OR5H14: variants seen among roughly 807,000 people sequenced by gnomAD.
OR5H14 encodes the protein olfactory receptor family 5 subfamily H member 14, also known as olfactory receptor 5H14.
For synonymous variants in OR5H14, 155 were observed against 130.6 expected (o/e 1.19, Z -1.28); for missense variants, 392 against 363.9 (o/e 1.08, Z -0.63).
chr3:98,150,186 T>C lies in OR5H14; in HGVS notation c.801T>C (p.Ala267=), dbSNP rs372574351. 172 of 1,612,994 alleles carry C rather than the reference T, an allele frequency of 1.1e-4. No individual in the cohort carries two copies. In the African/African-American group the frequency reaches 1.2e-3, roughly 12 times the overall value. ...ATATGGGCTCTGCATCCCCACAGGC[T>C]GATGACCAAGATATGATGGAGTCTC... ...FMYMGSASPQ[A]DDQDMMESLF... is the part of the protein sequence containing the mutation. Residue 267 remains alanine (A), a synonymous_variant, in exon 2 of 2, where the codon GCT becomes GCC. Coordinates refer to ENST00000641380, the MANE Select transcript of OR5H14 (RefSeq NM_001005514.2).
At position 98,152,770 on chromosome 3, in the gene OR5H14, A is replaced by G. The variant is rs1479279908; in HGVS notation, c.*2452A>G. 3 of 152,186 alleles carry G rather than the reference A, an allele frequency of 2.0e-5. No individual in the cohort carries two copies. Among genetic ancestry groups the G allele is most frequent in the African/African-American group, 7.2e-5 (3 of 41,434 alleles). 9.4% of individuals were successfully genotyped at this position (152,186 alleles called of 1,614,324 possible). A position where few individuals can be genotyped will look rare whatever the true frequency, so the allele number is the denominator to read the frequency against. On this transcript the variant is annotated 3_prime_UTR_variant, in exon 2 of 2. Transcript: ENST00000641380. ...GCCATGGCACATGTGTACCTATGTA[A>G]CAACCTGCACATGTATCCCAGAACT...
rs1708587693 is a variant in OR5H14, at chr3:98,156,184, T to C, written c.*5866T>C. 6.6e-6 allele frequency: 1 copy of C among 152,198 alleles called. No homozygotes were observed. Among genetic ancestry groups the C allele is most frequent in the South Asian group, 2.1e-4 (1 of 4,834 alleles). 9.4% of individuals were successfully genotyped at this position (152,198 alleles called of 1,614,324 possible). ...GTACACAAAGAATTGCTGCCTGTGT[T>C]ATTATCAGATATGCTCTATTATGTA... is the stretch of plus-strand genomic sequence containing the variant. On this transcript the variant is annotated 3_prime_UTR_variant, in exon 2 of 2. Transcript: ENST00000641380.
In OR5H14 at chr3:98,150,423, G is replaced by A; in HGVS notation, c.*105G>A. On this transcript the variant is annotated 3_prime_UTR_variant, in exon 2 of 2. Transcript: ENST00000641380. ...ATTAAAAGATTTTGCAATTATAACT[G>A]TCCTAGCGCTTTAATGACCTATGAT... 1 of 664,662 alleles carries A rather than the reference G, an allele frequency of 1.5e-6. No homozygotes were observed. The highest frequency in any genetic ancestry group is 2.4e-6 in the Non-Finnish European group (1 of 410,070). 41.2% of individuals were successfully genotyped at this position (664,662 alleles called of 1,614,324 possible).
chr3:98,151,652 A>G lies in OR5H14; in HGVS notation c.*1334A>G, dbSNP rs914742680. 8.5e-5 allele frequency: 13 copies of G among 152,140 alleles called. No individual in the cohort carries two copies. Among genetic ancestry groups the G allele is most frequent in the African/African-American group, 3.1e-4 (13 of 41,442 alleles). 9.4% of individuals were successfully genotyped at this position (152,140 alleles called of 1,614,324 possible). Reference sequence around the variant, plus strand: ...ACATGTGTTTTAGGTGTCAATATCTATGTATACATACACTTATGTATACAT... The same window carrying G: ...ACATGTGTTTTAGGTGTCAATATCTGTGTATACATACACTTATGTATACAT... On this transcript the variant is annotated 3_prime_UTR_variant, in exon 2 of 2. Coordinates refer to ENST00000641380, the MANE Select transcript of OR5H14 (RefSeq NM_001005514.2).
In OR5H14 at chr3:98,149,779, T is replaced by C; in HGVS notation, c.394T>C (p.Tyr132His). ...TGTAGCCATATGCAAACCCTTACTTTATCCAGCCATTATGACCAATGGACT... is the reference window on the plus strand; with the variant it reads ...TGTAGCCATATGCAAACCCTTACTTCATCCAGCCATTATGACCAATGGACT... ...RYVAICKPLLYPAIMTNGLCI... is the reference protein window; with the variant it reads ...RYVAICKPLLHPAIMTNGLCI... Residue 132 changes from tyrosine to histidine, a missense_variant, in exon 2 of 2, where the codon TAT becomes CAT. By Grantham distance (83) the Tyr-to-His change is moderately conservative. Transcript: ENST00000641380. 5 of 1,612,718 alleles carry C rather than the reference T, an allele frequency of 3.1e-6. No individual in the cohort carries two copies. The highest frequency in any genetic ancestry group is 4.2e-6 in the Non-Finnish European group (5 of 1,179,648).
rs747138255 is a variant in OR5H14 at position 98,149,963 on chromosome 3, C to A, written c.578C>A (p.Ser193Tyr). The change falls in exon 2 of 2, where the codon TCT becomes TAT. Residue 193 changes from serine to tyrosine, a missense_variant. Physicochemically the swap from Ser to Tyr is moderately radical, Grantham distance 144. Transcript: ENST00000641380. ...TTAAAGATTTCTTATACTGATTCCT[C>A]TATTAACTTTCTAATGGTTTTTATT... ...PLLKISYTDS[S>Y]INFLMVFIFA... 1 of 1,613,066 alleles carries A rather than the reference C, an allele frequency of 6.2e-7. No individual in the cohort carries two copies. Among genetic ancestry groups the A allele is most frequent in the Admixed American group, 1.7e-5 (1 of 59,882 alleles).
Position 98,153,200 on chromosome 3 carries a change from C to A in OR5H14, c.*2882C>A, listed in dbSNP as rs1157244863. On this transcript the variant is annotated 3_prime_UTR_variant, in exon 2 of 2. Coordinates refer to ENST00000641380, the MANE Select transcript of OR5H14 (RefSeq NM_001005514.2). ...CATACCAGCAAGATTACAATGATGA[C>A]CCCTTGAGGAAAATACCAAGGAACT... is the stretch of plus-strand genomic sequence containing the variant. The A allele has an allele frequency of 6.6e-6, 1 of 152,148 alleles. No individual in the cohort carries two copies. The highest frequency in any genetic ancestry group is 1.5e-5 in the Non-Finnish European group (1 of 68,016). 9.4% of individuals were successfully genotyped at this position (152,148 alleles called of 1,614,324 possible).
rs1290165383 is a variant in OR5H14, at chr3:98,152,268, A to G, written c.*1950A>G. On this transcript the variant is annotated 3_prime_UTR_variant, in exon 2 of 2. Transcript: ENST00000641380. ...ATTCCTTATGAATCCGGAGCCAGAA[A>G]TACTATTTGACTCAGCAATCCCATT... 6.6e-6 allele frequency: 1 copy of G among 152,152 alleles called. No individual in the cohort carries two copies. The highest frequency in any genetic ancestry group is 2.4e-5 in the African/African-American group (1 of 41,424). 9.4% of individuals were successfully genotyped at this position (152,152 alleles called of 1,614,324 possible).
At position 98,155,726 on chromosome 3, in the gene OR5H14, T is replaced by G. The variant is rs1191060722; in HGVS notation, c.*5408T>G. The G allele has an allele frequency of 6.6e-6, 1 of 152,174 alleles. No homozygotes were observed. The highest frequency in any genetic ancestry group is 2.4e-5 in the African/African-American group (1 of 41,448). The allele number at this position is 152,174 out of a possible 1,614,324, so 9.4% of individuals were successfully genotyped here. Reference sequence around the variant, plus strand: ...AGGGAATCTAGATCTTTGGCCTTATTAAAATCATATTTTGACCAGCTCTGA... The same window carrying G: ...AGGGAATCTAGATCTTTGGCCTTATGAAAATCATATTTTGACCAGCTCTGA... On this transcript the variant is annotated 3_prime_UTR_variant, in exon 2 of 2. Coordinates refer to ENST00000641380, the MANE Select transcript of OR5H14 (RefSeq NM_001005514.2).
At chr3:98,148,910 A>C (rs1708457799) in intron 1 of OR5H14, among the ~76,000 whole-genome samples, 2 of 152,012 alleles carry the variant, frequency 1.3e-5, no homozygotes, top group African/African-American at 4.8e-5. Context: ...CAATTTCCCC[A>C]TCCCGCAGCA....
Position 98,155,494 on chromosome 3 carries a change from A to G in OR5H14, c.*5176A>G, listed in dbSNP as rs1708577105. ...TAATCCGATAGAATGATAGAATGCCATTATGAAGTTATAGTGACAGCACCA... is the reference window on the plus strand; with the variant it reads ...TAATCCGATAGAATGATAGAATGCCGTTATGAAGTTATAGTGACAGCACCA... On this transcript the variant is annotated 3_prime_UTR_variant, in exon 2 of 2. Coordinates refer to ENST00000641380, the MANE Select transcript of OR5H14 (RefSeq NM_001005514.2). 1 of 152,248 alleles carries G rather than the reference A, an allele frequency of 6.6e-6. No homozygotes were observed. The highest frequency in any genetic ancestry group is 1.5e-5 in the Non-Finnish European group (1 of 68,034). 9.4% of individuals were successfully genotyped at this position (152,248 alleles called of 1,614,324 possible). A position where few individuals can be genotyped will look rare whatever the true frequency, so the allele number is the denominator to read the frequency against.
rs1297365386 is a variant in OR5H14 at position 98,149,971 on chromosome 3, T to A, written c.586T>A (p.Phe196Ile). Residue 196 changes from phenylalanine to isoleucine, a missense_variant, in exon 2 of 2, where the codon TTT becomes ATT. Physicochemically the swap from Phe to Ile is conservative, Grantham distance 21. Coordinates refer to ENST00000641380, the MANE Select transcript of OR5H14 (RefSeq NM_001005514.2). ...KISYTDSSINFLMVFIFAGSI... is the reference protein window; with the variant it reads ...KISYTDSSINILMVFIFAGSI... ...TTCTTATACTGATTCCTCTATTAAC[T>A]TTCTAATGGTTTTTATTTTTGCAGG... 1 of 1,613,012 alleles carries A rather than the reference T, an allele frequency of 6.2e-7. No individual in the cohort carries two copies. Among genetic ancestry groups the A allele is most frequent in the East Asian group, 2.2e-5 (1 of 44,792 alleles).
At position 98,150,435 on chromosome 3, in the gene OR5H14, T is replaced by A; in HGVS notation, c.*117T>A. The A allele has an allele frequency of 3.4e-6, 2 of 592,396 alleles. No homozygotes were observed. Among genetic ancestry groups the A allele is most frequent in the Non-Finnish European group, 5.7e-6 (2 of 348,326 alleles). The allele number at this position is 592,396 out of a possible 1,614,324, so 36.7% of individuals were successfully genotyped here. On this transcript the variant is annotated 3_prime_UTR_variant, in exon 2 of 2. Coordinates refer to ENST00000641380, the MANE Select transcript of OR5H14 (RefSeq NM_001005514.2). ...TGCAATTATAACTGTCCTAGCGCTT[T>A]AATGACCTATGATATAAGCACCTAT...
In OR5H14 at chr3:98,149,475, A is replaced by AT. The variant is rs1708467843; in HGVS notation, c.92dup (p.Val33GlyfsTer56). 6.2e-7 allele frequency: 1 copy of AT among 1,613,386 alleles called. No homozygotes were observed. The highest frequency in any genetic ancestry group is 1.7e-5 in the Admixed American group (1 of 59,938). ...AGTGGAAAATACCCCTGTTCCTGGCATTCTTGGTAATATATCTCATCACCA... is the reference window on the plus strand; with the variant it reads ...AGTGGAAAATACCCCTGTTCCTGGCATTTCTTGGTAATATATCTCATCACCA... On this transcript the variant is annotated frameshift_variant, in exon 2 of 2. Coordinates refer to ENST00000641380, the MANE Select transcript of OR5H14 (RefSeq NM_001005514.2). LOFTEE classifies it low-confidence loss of function (END_TRUNC).
In OR5H14 at chr3:98,152,962, A is replaced by G. The variant is rs4434179; in HGVS notation, c.*2644A>G. The G allele has an allele frequency of 0.58, 88,514 of 151,902 alleles. 26,218 individuals are homozygous for G. Among genetic ancestry groups the G allele is most frequent in the African/African-American group, 0.69 (28,692 of 41,434 alleles). The allele number at this position is 151,902 out of a possible 1,614,324, so 9.4% of individuals were successfully genotyped here. On this transcript the variant is annotated 3_prime_UTR_variant, in exon 2 of 2. Transcript: ENST00000641380. ...CCCTTTTGTTTCACTTCTCAATTAT[A>G]GGATACTGACCAACACTCAGGCACA...
chr3:98,148,275 G>A (rs1708448607), intron 1 of OR5H14: 1 of 151,986 alleles, frequency 6.6e-6, no homozygotes, highest in Non-Finnish European at 1.5e-5. Context: ...TCACATCTTG[G>A]CTATTTACCA....
In OR5H14 at chr3:98,152,246, C is replaced by A. The variant is rs1398837055; in HGVS notation, c.*1928C>A. 3.3e-5 allele frequency: 5 copies of A among 152,078 alleles called. No homozygotes were observed. Among genetic ancestry groups the A allele is most frequent in the African/African-American group, 4.8e-5 (2 of 41,424 alleles). 9.4% of individuals were successfully genotyped at this position (152,078 alleles called of 1,614,324 possible). A position where few individuals can be genotyped will look rare whatever the true frequency, so the allele number is the denominator to read the frequency against. On this transcript the variant is annotated 3_prime_UTR_variant, in exon 2 of 2. Coordinates refer to ENST00000641380, the MANE Select transcript of OR5H14 (RefSeq NM_001005514.2). ...CTTTGTGGAAGACAGTGCGGTGATT[C>A]CTTATGAATCCGGAGCCAGAAATAC...
rs765483382 is a variant in OR5H14 at position 98,150,329 on chromosome 3, A to T, written c.*11A>T. On this transcript the variant is annotated 3_prime_UTR_variant, in exon 2 of 2. Coordinates refer to ENST00000641380, the MANE Select transcript of OR5H14 (RefSeq NM_001005514.2). ...AGAAATGATGTTTAGATCATTACTA[A>T]TATCTCTTTTCTATTTACTAAAATG... 1 of 1,473,884 alleles carries T rather than the reference A, an allele frequency of 6.8e-7. No homozygotes were observed. Among genetic ancestry groups the T allele is most frequent in the Non-Finnish European group, 9.1e-7 (1 of 1,095,552 alleles). The allele number at this position is 1,473,884 out of a possible 1,614,324, so 91.3% of individuals were successfully genotyped here.
In OR5H14 at chr3:98,155,714, C is replaced by T. The variant is rs1708581451; in HGVS notation, c.*5396C>T. Reference sequence around the variant, plus strand: ...GTTGCCTTCTGAAGGGAATCTAGATCTTTGGCCTTATTAAAATCATATTTT... The same window carrying T: ...GTTGCCTTCTGAAGGGAATCTAGATTTTTGGCCTTATTAAAATCATATTTT... On this transcript the variant is annotated 3_prime_UTR_variant, in exon 2 of 2. Coordinates refer to ENST00000641380, the MANE Select transcript of OR5H14 (RefSeq NM_001005514.2). 6.6e-6 allele frequency: 1 copy of T among 152,164 alleles called. No homozygotes were observed. Among genetic ancestry groups the T allele is most frequent in the African/African-American group, 2.4e-5 (1 of 41,454 alleles). 9.4% of individuals were successfully genotyped at this position (152,164 alleles called of 1,614,324 possible).
Sources: gnomAD v4.1 joint callset for allele counts (sites outside exome capture counted in the v4.1 genomes callset) on GRCh38, gnomAD v4.1.1 for gene constraint, MANE v1.5 for transcripts, NCBI Gene and HGNC (gene_info 2026-07-23, HGNC 2026-07-21) for gene names.